Variants in STARD13 observed in about 807,000 individuals in gnomAD.
STARD13 encodes the protein StAR related lipid transfer domain containing 13.
STARD13 carries 62 observed loss-of-function variants against 106.4 expected under a neutral mutation model. The ratio of observed to expected loss-of-function variants is 0.58; its 90% CI spans 0.48 to 0.72. The LOEUF is 0.72. STARD13 is among the 30% of genes least tolerant of loss of function. STARD13 has a pLI of 0.00. For missense variants in STARD13, 1,387 were observed against 1,424.0 expected (o/e 0.97, Z 0.42); for synonymous variants, 565 against 553.0 (o/e 1.02, Z -0.31).
intron 1 of STARD13, among the ~76,000 whole-genome samples, chr13:33,326,675 T>C (rs893605901): frequency 3.3e-5 from 5 of 152,220 alleles, no homozygotes; most frequent in African/African-American, 1.2e-4. Context: ...CCCCAAATTA[T>C]GTATACTGAA....
chr13:33,333,269 TC>T (rs2077858034), intron 1 of STARD13, among the ~76,000 whole-genome samples: 1 of 151,990 alleles, frequency 6.6e-6, no homozygotes, highest in Non-Finnish European at 1.5e-5. Context: ...GGGCACCAAA[TC>T]CCAGCTACTC....
At chr13:33,166,361 C>T (rs2138368951) in intron 2 of STARD13, among the ~76,000 whole-genome samples, 1 of 152,124 alleles carries the variant, frequency 6.6e-6, no homozygotes, top group East Asian at 1.9e-4. Context: ...TGTGCTCCTT[C>T]CTAGGGTCTG....
intron 3 of STARD13, among the ~76,000 whole-genome samples, chr13:33,162,361 T>C (rs1882734053): frequency 6.6e-6 from 1 of 152,266 alleles, no homozygotes; most frequent in African/African-American, 2.4e-5. Context: ...TGACATGTCC[T>C]GGAGACATTT....
intron 6 of STARD13, 103 bp downstream of exon 6, chr13:33,127,270 T>C (rs944134660): frequency 3.8e-6 from 5 of 1,302,550 alleles, no homozygotes; most frequent in Non-Finnish European, 5.1e-6. Flanking sequence ...GTGAAGGCAA[T>C]GAATGGGTTT....
intron 1 of STARD13, chr13:33,205,717 A>G (rs537836712): frequency 5.7e-6 from 2 of 350,866 alleles, no homozygotes; most frequent in East Asian, 3.3e-4. Context: ...TCCACTACAA[A>G]GAAAACTTTT....
At chr13:33,650,111 T>G in the STARD13 span, among the ~76,000 whole-genome samples, 639 of 150,134 alleles carry the variant, frequency 4.3e-3, 9 homozygotes, top group African/African-American at 0.015. Flanking sequence ...AGTCACTTTT[T>G]TATTTGGCGG....
the STARD13 span, among the ~76,000 whole-genome samples, chr13:33,671,676 G>T: frequency 6.6e-6 from 1 of 152,120 alleles, no homozygotes; most frequent in Non-Finnish European, 1.5e-5. Context: ...GTTATAGTGG[G>T]CTATGACTGG....
the STARD13 span, among the ~76,000 whole-genome samples, chr13:33,395,209 A>G: frequency 6.6e-6 from 1 of 152,166 alleles, no homozygotes; most frequent in Non-Finnish European, 1.5e-5. Context: ...TATAGTTCAA[A>G]GTAAGGATGA....
At chr13:33,273,432 C>T (rs1891258906) in intron 1 of STARD13, among the ~76,000 whole-genome samples, 1 of 152,168 alleles carries the variant, frequency 6.6e-6, no homozygotes, top group Admixed American at 6.5e-5. Flanking sequence ...AAGGATGTTT[C>T]TATTCTTTCT....
chr13:33,612,609 T>C, the STARD13 span, among the ~76,000 whole-genome samples: 1 of 152,182 alleles, frequency 6.6e-6, no homozygotes, highest in Non-Finnish European at 1.5e-5. Context: ...TCTTTTTCTC[T>C]TGTCTATTCC....
intron 1 of STARD13, among the ~76,000 whole-genome samples, chr13:33,172,442 C>G (rs1348743815): frequency 6.6e-6 from 1 of 152,104 alleles, no homozygotes; most frequent in African/African-American, 2.4e-5. Context: ...CAAGCTGTTT[C>G]TTTAATGTAG....
chr13:33,110,187 G>T, intron 11 of STARD13, 97 bp from the exon 12 acceptor site: 2 of 1,078,736 alleles, frequency 1.9e-6, no homozygotes, highest in Non-Finnish European at 1.4e-6. Flanking sequence ...TACCTTGCTG[G>T]GTGTTCAAAA....
At chr13:33,394,718 A>G in the STARD13 span, among the ~76,000 whole-genome samples, 1 of 152,196 alleles carries the variant, frequency 6.6e-6, no homozygotes, top group Non-Finnish European at 1.5e-5. Flanking sequence ...AGCACAGAAC[A>G]TGCCAGGGAT....
chr13:33,292,990 G>C (rs1314429733), intron 1 of STARD13, among the ~76,000 whole-genome samples: 1 of 151,976 alleles, frequency 6.6e-6, no homozygotes, highest in Non-Finnish European at 1.5e-5. Context: ...CCTCCACGTT[G>C]CTGCCTCAGT....
At chr13:33,109,333 A>G (rs191879814) in intron 12 of STARD13, among the ~76,000 whole-genome samples, 5 of 152,300 alleles carry the variant, frequency 3.3e-5, no homozygotes, top group Admixed American at 3.3e-4. Flanking sequence ...ATCAATCAGA[A>G]GAAATATTTC....
rs370810988 is a variant in STARD13, at chr13:33,129,485, G to C, written c.1192C>G (p.Pro398Ala). The change falls in exon 5 of 14, where the codon CCC becomes GCC. Residue 398 changes from proline to alanine, a missense_variant. By Grantham distance (27) the Pro-to-Ala change is conservative. Coordinates refer to ENST00000336934, the MANE Select transcript of STARD13 (RefSeq NM_178006.4). ...HSQENLVVHIPKDHKPGTFPK... is the reference protein window; with the variant it reads ...HSQENLVVHIAKDHKPGTFPK... ...AATGTTCCTGGTTTGTGATCCTTGG[G>C]AATATGCACCACCAAATTCTCTTGG... The C allele has an allele frequency of 3.1e-6, 5 of 1,614,202 alleles. No individual in the cohort carries two copies. Among genetic ancestry groups the C allele is most frequent in the Non-Finnish European group, 4.2e-6 (5 of 1,180,036 alleles).
the STARD13 span, among the ~76,000 whole-genome samples, chr13:33,664,616 T>TA: frequency 6.6e-6 from 1 of 152,150 alleles, no homozygotes; most frequent in Non-Finnish European, 1.5e-5. Flanking sequence ...TTACCGAACT[T>TA]AAAAAAACTA....
intron 4 of STARD13, among the ~76,000 whole-genome samples, chr13:33,139,422 C>T (rs375010404): frequency 2.0e-5 from 3 of 152,350 alleles, no homozygotes; most frequent in African/African-American, 7.2e-5. Flanking sequence ...TTTGCTATCC[C>T]TACAAACTGC....
the STARD13 span, among the ~76,000 whole-genome samples, chr13:33,583,008 T>G: frequency 1.3e-5 from 2 of 152,166 alleles, no homozygotes; most frequent in Non-Finnish European, 2.9e-5. Context: ...CCACCTCATC[T>G]CCTCCAATCC....
Sources: gnomAD v4.1 joint callset for allele counts (sites outside exome capture counted in the v4.1 genomes callset) on GRCh38, gnomAD v4.1.1 for gene constraint, MANE v1.5 for transcripts, NCBI Gene and HGNC (gene_info 2026-07-23, HGNC 2026-07-21) for gene names.